The following SEMA6D variants were observed in gnomAD, a reference collection of about 807,000 sequenced individuals.
The protein encoded by SEMA6D is semaphorin 6D, also known as semaphorin-6D.
In SEMA6D, 35 loss-of-function variants were observed where a neutral mutation model predicts 106.6. That is an observed-to-expected ratio of 0.33 (90% CI 0.25 to 0.44). The LOEUF (loss-of-function observed/expected upper bound fraction) is 0.44. Ranked by LOEUF, SEMA6D falls within the 20% of genes least tolerant of loss-of-function variation. The pLI is 1.00. For synonymous variants in SEMA6D, 499 were observed against 487.7 expected (o/e 1.02, Z -0.31); for missense variants, 1,185 against 1,345.9 (o/e 0.88, Z 1.87).
intron 3 of SEMA6D, among the ~76,000 whole-genome samples, chr15:47,489,561 T>A (rs1347466516): frequency 6.6e-6 from 1 of 152,116 alleles, no homozygotes; most frequent in African/African-American, 2.4e-5. Context: ...CCACAATGCA[T>A]CTCCTCTCAG....
chr15:47,185,589 A>C (rs1184507379), intron 1 of SEMA6D: 1 of 152,056 alleles, frequency 6.6e-6, no homozygotes, highest in Non-Finnish European at 1.5e-5. Context: ...TCCATTTTTG[A>C]AAGCAAAGTG....
chr15:47,524,752 T>C (rs2044698235), intron 3 of SEMA6D, among the ~76,000 whole-genome samples: 1 of 152,142 alleles, frequency 6.6e-6, no homozygotes, highest in African/African-American at 2.4e-5. Flanking sequence ...CCTTCCCACA[T>C]AGATGAGTTG....
chr15:47,316,506 C>T (rs1399812603), intron 1 of SEMA6D, among the ~76,000 whole-genome samples: 1 of 151,798 alleles, frequency 6.6e-6, no homozygotes, highest in Non-Finnish European at 1.5e-5. Context: ...TTAAGTTTCT[C>T]ACAATTAAGT....
At chr15:47,735,371 A>G (rs1200838256) in intron 1 of SEMA6D, among the ~76,000 whole-genome samples, 1 of 152,184 alleles carries the variant, frequency 6.6e-6, no homozygotes, top group Non-Finnish European at 1.5e-5. Flanking sequence ...CACTAAACAC[A>G]GTGAGTCTGT....
At chr15:47,245,433 A>C (rs563426617) in intron 1 of SEMA6D, among the ~76,000 whole-genome samples, 3 of 152,284 alleles carry the variant, frequency 2.0e-5, no homozygotes, top group South Asian at 4.1e-4. Context: ...CCTCAACACC[A>C]TCCATTCTTG....
chr15:47,748,735 T>C (rs2081273284), intron 1 of SEMA6D, among the ~76,000 whole-genome samples: 1 of 152,172 alleles, frequency 6.6e-6, no homozygotes, highest in Admixed American at 6.5e-5. Flanking sequence ...TTGTGAAGGA[T>C]CTTGTAAATC....
intron 1 of SEMA6D, among the ~76,000 whole-genome samples, chr15:47,738,961 T>C (rs1561485): frequency 0.13 from 19,146 of 152,076 alleles, 3,870 homozygotes; most frequent in African/African-American, 0.42. Context: ...TTCCTCTCCC[T>C]ATGGGCCACT....
intron 4 of SEMA6D, among the ~76,000 whole-genome samples, chr15:47,668,092 A>C (rs1427740976): frequency 6.6e-6 from 1 of 152,236 alleles, no homozygotes; most frequent in Admixed American, 6.5e-5. Context: ...GCTTTGGAAA[A>C]ATGAATGCCT....
intron 3 of SEMA6D, among the ~76,000 whole-genome samples, chr15:47,578,984 C>A (rs2076207445): frequency 6.6e-6 from 1 of 152,140 alleles, no homozygotes; most frequent in South Asian, 2.1e-4. Context: ...CCAAAATATT[C>A]TCCCTGTTGT....
chr15:47,363,547 A>G (rs2038892837), intron 1 of SEMA6D, among the ~76,000 whole-genome samples: 1 of 152,168 alleles, frequency 6.6e-6, no homozygotes, highest in Non-Finnish European at 1.5e-5. Flanking sequence ...CTCCCAGAAA[A>G]ACAAAACAAA....
At chr15:47,441,447 C>G (rs1021040315) in intron 2 of SEMA6D, among the ~76,000 whole-genome samples, 2 of 152,042 alleles carry the variant, frequency 1.3e-5, no homozygotes, top group African/African-American at 4.8e-5. Context: ...CTGCTAACAA[C>G]AAGCAAGACA....
chr15:47,685,167 GC>G (rs2078442691), intron 4 of SEMA6D, among the ~76,000 whole-genome samples: 2 of 152,212 alleles, frequency 1.3e-5, no homozygotes, highest in South Asian at 4.2e-4. Flanking sequence ...CTCTTGAAGA[GC>G]CCATTGTGAG....
At chr15:47,724,361 G>T (rs1301970233) in intron 1 of SEMA6D, among the ~76,000 whole-genome samples, 1 of 152,230 alleles carries the variant, frequency 6.6e-6, no homozygotes, top group East Asian at 1.9e-4. Flanking sequence ...AGAGGTCAGG[G>T]ATCTTACTGC....
intron 1 of SEMA6D, among the ~76,000 whole-genome samples, chr15:47,369,054 TC>T (rs1238725659): frequency 5.3e-5 from 8 of 152,218 alleles, no homozygotes; most frequent in African/African-American, 1.9e-4. Context: ...TACCTATGGT[TC>T]CATGTATAAA....
At chr15:47,587,774 A>AT (rs997203353) in intron 3 of SEMA6D, among the ~76,000 whole-genome samples, 8 of 120,274 alleles carry the variant, frequency 6.7e-5, no homozygotes, top group African/African-American at 2.4e-4. Context: ...CAATAAAAAC[A>AT]TTTTTTACTT....
intron 1 of SEMA6D, among the ~76,000 whole-genome samples, chr15:47,207,993 G>GCACGCACACACA (rs1895210628): frequency 1.1e-5 from 1 of 89,398 alleles, no homozygotes; most frequent in Non-Finnish European, 2.3e-5. Context: ...TGGCGCGCGC[G>GCACGCACACACA]CACACACACA....
At chr15:47,497,512 T>A (rs2043706955) in intron 3 of SEMA6D, among the ~76,000 whole-genome samples, 1 of 152,124 alleles carries the variant, frequency 6.6e-6, no homozygotes, top group African/African-American at 2.4e-5. Context: ...ACTTTCCTAG[T>A]TCTCTTCTTT....
At chr15:47,324,748 G>A (rs909472150) in intron 1 of SEMA6D, among the ~76,000 whole-genome samples, 8 of 151,016 alleles carry the variant, frequency 5.3e-5, no homozygotes, top group Non-Finnish European at 7.4e-5. Flanking sequence ...GTGCACATAC[G>A]TGTGTATATA....
chr15:47,214,342 CAA>C, intron 1 of SEMA6D, among the ~76,000 whole-genome samples: 1 of 151,820 alleles, frequency 6.6e-6, no homozygotes, highest in East Asian at 1.9e-4. Context: ...GGGATTAGGA[CAA>C]AGTGGAAAAG....
Sources: allele counts gnomAD v4.1 joint callset (sites outside exome capture counted in the v4.1 genomes callset), GRCh38; gene constraint gnomAD v4.1.1; transcripts MANE v1.5; gene names NCBI Gene and HGNC (gene_info 2026-07-23, HGNC 2026-07-21).